The following TTC28 variants were observed in gnomAD, a reference collection of about 807,000 sequenced individuals.
TTC28 encodes tetratricopeptide repeat domain 28.
Under a neutral mutation model 198.0 loss-of-function variants are expected in TTC28, and 61 were observed. The observed-to-expected ratio is 0.31, with a 90% confidence interval of 0.25 to 0.38. TTC28 has a LOEUF of 0.38. TTC28 is among the 10% of genes least tolerant of loss of function. TTC28 has a pLI of 1.00. For missense variants in TTC28, 2,678 were observed against 3,164.0 expected, an observed-to-expected ratio of 0.85 and a Z score of 3.69; for synonymous variants, 1,171 against 1,297.8, an observed-to-expected ratio of 0.90 and a Z score of 2.10.
chr22:28,333,772 T>G lies in TTC28; in HGVS notation c.382-27129A>C, dbSNP rs981592888. On this transcript the variant is annotated intron_variant, in intron 2 of 22. Coordinates refer to ENST00000397906, the MANE Select transcript of TTC28 (RefSeq NM_001145418.2). ...ACTTTGTTAATTATGGTGAAAAAAG[T>G]TAAATCAAAGTATTGTGGCATAATT... Among the ~76,000 whole-genome samples the G allele has an allele frequency of 5.5e-4, 84 of 152,272 alleles. 1 individual carries two copies. Among genetic ancestry groups the G allele is most frequent in the African/African-American group, 2.0e-3 (82 of 41,570 alleles).
intron 2 of TTC28, among the ~76,000 whole-genome samples, chr22:28,318,586 C>T (rs2045390778): frequency 6.6e-6 from 1 of 152,100 alleles, no homozygotes; most frequent in Non-Finnish European, 1.5e-5. Context: ...TAGTTGTGTT[C>T]AATGGAAAAG....
intron 2 of TTC28, among the ~76,000 whole-genome samples, chr22:28,488,253 C>A (rs1156896800): frequency 5.3e-5 from 8 of 152,160 alleles, no homozygotes; most frequent in Non-Finnish European, 1.2e-4. Context: ...CCTTCAGCAC[C>A]ACTCCTGCAT....
At chr22:28,594,279 A>G (rs1234740254) in intron 2 of TTC28, among the ~76,000 whole-genome samples, 3 of 148,718 alleles carry the variant, frequency 2.0e-5, no homozygotes, top group African/African-American at 7.3e-5. Context: ...ATAAGAAGTA[A>G]TTAATTATAT....
At chr22:28,504,445 T>C (rs1409552599) in intron 2 of TTC28, among the ~76,000 whole-genome samples, 1 of 152,156 alleles carries the variant, frequency 6.6e-6, no homozygotes, top group Non-Finnish European at 1.5e-5. Context: ...TACATATGTG[T>C]GTATATGTAC....
chr22:28,153,650 A>G (rs1943669575), intron 6 of TTC28, among the ~76,000 whole-genome samples: 1 of 152,218 alleles, frequency 6.6e-6, no homozygotes, highest in African/African-American at 2.4e-5. Flanking sequence ...ATTAAAAGAT[A>G]GCACAGTATC....
intron 5 of TTC28, among the ~76,000 whole-genome samples, chr22:28,244,794 C>A (rs1326735131): frequency 6.6e-6 from 1 of 152,000 alleles, no homozygotes; most frequent in African/African-American, 2.4e-5. Context: ...CATCTTTTTT[C>A]ATGTACCGTG....
chr22:28,108,910 G>T (rs965840621), intron 6 of TTC28, among the ~76,000 whole-genome samples: 1 of 152,208 alleles, frequency 6.6e-6, no homozygotes, highest in East Asian at 1.9e-4. Flanking sequence ...GAAGTACCAT[G>T]TTGCTTTGGC....
intron 2 of TTC28, among the ~76,000 whole-genome samples, chr22:28,515,080 T>A (rs543415341): frequency 2.0e-5 from 3 of 152,310 alleles, no homozygotes; most frequent in Admixed American, 2.0e-4. Context: ...ACAGAGTGAA[T>A]TTTTATTATG....
Position 28,257,739 on chromosome 22 carries a change from C to CATATATATATATAT in TTC28, c.933+38445_933+38458dup, listed in dbSNP as rs66590909. On this transcript the variant is annotated intron_variant, in intron 5 of 22. Transcript: ENST00000397906. Reference sequence around the variant, plus strand: ...TTACCATCTTTAGATGGTAATAGAACATATATATATATATATATATATATA... The same window carrying CATATATATATATAT: ...TTACCATCTTTAGATGGTAATAGAACATATATATATATATATATATATATATATATATATATATA... 3.0e-3 allele frequency among the ~76,000 whole-genome samples: 289 copies of CATATATATATATAT among 96,382 alleles called. 3 individuals are homozygous for CATATATATATATAT. The highest frequency in any genetic ancestry group is 4.3e-3 in the African/African-American group (92 of 21,364). 63.2% of individuals were successfully genotyped at this position (96,382 alleles called of 152,430 possible).
chr22:28,127,979 T>C (rs1942958625), intron 6 of TTC28, among the ~76,000 whole-genome samples: 1 of 151,458 alleles, frequency 6.6e-6, no homozygotes, highest in African/African-American at 2.4e-5. Flanking sequence ...TCCTCCTGCC[T>C]CAGGCTTCCA....
intron 2 of TTC28, among the ~76,000 whole-genome samples, chr22:28,359,377 A>G (rs979638886): frequency 6.6e-6 from 1 of 152,154 alleles, no homozygotes; most frequent in African/African-American, 2.4e-5. Context: ...TCTCAAATCA[A>G]ATTTTAAATT....
At chr22:28,390,378 G>C (rs1370594190) in intron 2 of TTC28, among the ~76,000 whole-genome samples, 1 of 152,206 alleles carries the variant, frequency 6.6e-6, no homozygotes, top group African/African-American at 2.4e-5. Context: ...GCAGAGCTGA[G>C]TTCAATTCCT....
At chr22:28,527,109 G>C (rs1440621437) in intron 2 of TTC28, among the ~76,000 whole-genome samples, 1 of 152,062 alleles carries the variant, frequency 6.6e-6, no homozygotes, top group East Asian at 1.9e-4. Flanking sequence ...TAAATATGAG[G>C]ACACCAGTGG....
chr22:28,194,599 G>T (rs1335547991), intron 5 of TTC28, among the ~76,000 whole-genome samples: 1 of 151,934 alleles, frequency 6.6e-6, no homozygotes, highest in African/African-American at 2.4e-5. Flanking sequence ...TGATAAAGGG[G>T]ATATCACCAC....
chr22:28,336,805 G>A (rs1157799108), intron 2 of TTC28, among the ~76,000 whole-genome samples: 2 of 152,012 alleles, frequency 1.3e-5, no homozygotes, highest in African/African-American at 4.8e-5. Context: ...TGGATTCACT[G>A]ATTTTTTGAG....
At position 27,983,370 on chromosome 22, in the gene TTC28, G is replaced by C; in HGVS notation, c.6297C>G (p.Ser2099=). The C allele has an allele frequency of 6.4e-7, 1 of 1,551,334 alleles. No homozygotes were observed. The change falls in exon 23 of 23, where the codon TCC becomes TCG. Residue 2099 remains serine, a synonymous_variant. Coordinates refer to ENST00000397906, the MANE Select transcript of TTC28 (RefSeq NM_001145418.2). ...AATTTGGAGTGCTGATGCTCCCTTT[G>C]GAGCTCACCGAGACTCTCATGCCTC... ...TAGGMRVSVS[S]KGSISTPNSP...
intron 2 of TTC28, among the ~76,000 whole-genome samples, chr22:28,512,214 T>C (rs1203362720): frequency 1.3e-5 from 2 of 152,002 alleles, no homozygotes; most frequent in Non-Finnish European, 2.9e-5. Context: ...CACAGATCAT[T>C]AGAGATATGC....
chr22:28,479,288 T>A (rs2048211985), intron 2 of TTC28, among the ~76,000 whole-genome samples: 1 of 152,220 alleles, frequency 6.6e-6, no homozygotes, highest in South Asian at 2.1e-4. Context: ...AGGGGGCCAC[T>A]TTGGATTGTT....
chr22:28,090,182 G>T (rs1393470493), intron 12 of TTC28, among the ~76,000 whole-genome samples: 1 of 151,160 alleles, frequency 6.6e-6, no homozygotes, highest in African/African-American at 2.4e-5. Context: ...AAAGTAAAAA[G>T]AATAAAATAA....
Sources: gnomAD v4.1 joint callset for allele counts (sites outside exome capture counted in the v4.1 genomes callset) on GRCh38, gnomAD v4.1.1 for gene constraint, MANE v1.5 for transcripts, NCBI Gene and HGNC (gene_info 2026-07-23, HGNC 2026-07-21) for gene names.